The following CEP112 variants were observed in gnomAD, a reference collection of about 807,000 sequenced individuals.
CEP112 encodes the protein centrosomal protein of 112 kDa.
Under a neutral mutation model 153.0 loss-of-function variants are expected in CEP112, and 127 were observed. That is an observed-to-expected ratio of 0.83 (90% CI 0.72 to 0.96). The LOEUF (loss-of-function observed/expected upper bound fraction) is 0.96. Ranked by LOEUF, CEP112 falls within the 40% of genes least tolerant of loss-of-function variation. The pLI is 0.00. For missense variants in CEP112, 1,089 were observed against 1,101.2 expected (o/e 0.99, Z 0.16); for synonymous variants, 358 against 374.4 (o/e 0.96, Z 0.51).
intron 24 of CEP112, among the ~76,000 whole-genome samples, chr17:65,677,508 G>A (rs2047291870): frequency 6.6e-6 from 1 of 152,160 alleles, no homozygotes; most frequent in African/African-American, 2.4e-5. Context: ...TATCTACATG[G>A]AACATACATT....
intron 21 of CEP112, among the ~76,000 whole-genome samples, chr17:65,783,857 C>T (rs939468516): frequency 6.6e-6 from 1 of 152,214 alleles, no homozygotes; most frequent in African/African-American, 2.4e-5. Context: ...CTTTGATCGA[C>T]TATTTCAACT....
chr17:66,111,335 A>C (rs923470901), intron 6 of CEP112, among the ~76,000 whole-genome samples: 3 of 152,190 alleles, frequency 2.0e-5, no homozygotes, highest in African/African-American at 7.2e-5. Context: ...TTACCATTTG[A>C]CCCAGCAACC....
At chr17:65,662,706 A>C (rs1452670048) in intron 24 of CEP112, among the ~76,000 whole-genome samples, 1 of 152,212 alleles carries the variant, frequency 6.6e-6, no homozygotes, top group Non-Finnish European at 1.5e-5. Context: ...AAATGGCAGA[A>C]AAAATTCACG....
At chr17:66,184,653 C>T (rs1049919335) in intron 1 of CEP112, among the ~76,000 whole-genome samples, 2 of 152,122 alleles carry the variant, frequency 1.3e-5, no homozygotes, top group Admixed American at 1.3e-4. Flanking sequence ...GGTAGAAATA[C>T]AAAATAGTAC....
At chr17:65,788,930 G>A (rs760955953) in intron 21 of CEP112, among the ~76,000 whole-genome samples, 7 of 152,012 alleles carry the variant, frequency 4.6e-5, no homozygotes, top group South Asian at 2.1e-4. Context: ...ATTGCTTATC[G>A]ATCTATAGCT....
intron 2 of CEP112, 70 bp from the exon 3 acceptor site, chr17:66,177,090 T>C: frequency 1.7e-6 from 2 of 1,207,072 alleles, no homozygotes; most frequent in Non-Finnish European, 2.3e-6. Context: ...CAAAGACCTA[T>C]AATAGCACCT....
At chr17:65,723,123 C>G (rs543295874) in intron 23 of CEP112, among the ~76,000 whole-genome samples, 3 of 152,152 alleles carry the variant, frequency 2.0e-5, no homozygotes, top group Non-Finnish European at 4.4e-5. Flanking sequence ...ATGTTAATGA[C>G]ACACTTGTTT....
At chr17:66,141,487 A>C (rs1445580556) in intron 4 of CEP112, among the ~76,000 whole-genome samples, 1 of 152,180 alleles carries the variant, frequency 6.6e-6, no homozygotes, top group Non-Finnish European at 1.5e-5. Context: ...CTATAATCAC[A>C]GTGTTGTGCA....
At chr17:66,071,899 T>A (rs898165811) in intron 8 of CEP112, among the ~76,000 whole-genome samples, 2 of 152,124 alleles carry the variant, frequency 1.3e-5, no homozygotes, top group African/African-American at 4.8e-5. Flanking sequence ...CTCAAAAGGA[T>A]TTTTGTGTAT....
chr17:65,689,261 C>CTAATTAGAAAATTAGCACAATAA (rs754183386), intron 23 of CEP112, 43 bp from the exon 24 acceptor site: 5 of 1,421,400 alleles, frequency 3.5e-6, no homozygotes, highest in Non-Finnish European at 5.0e-6. Context: ...AATTAGCACA[C>CTAATTAGAAAATTAGCACAATAA]TTGGAAAAAT....
chr17:66,077,235 G>T (rs577499508), intron 8 of CEP112, among the ~76,000 whole-genome samples: 1 of 152,060 alleles, frequency 6.6e-6, no homozygotes, highest in African/African-American at 2.4e-5. Flanking sequence ...AATTCAGGAG[G>T]TTACTTATTA....
At chr17:65,814,656 G>A (rs1310497622) in intron 21 of CEP112, among the ~76,000 whole-genome samples, 1 of 152,082 alleles carries the variant, frequency 6.6e-6, no homozygotes, top group Admixed American at 6.6e-5. Flanking sequence ...CACAGGATGT[G>A]TCCCCTGTCA....
At chr17:66,032,749 A>C (rs1393345821) in intron 12 of CEP112, among the ~76,000 whole-genome samples, 1 of 152,220 alleles carries the variant, frequency 6.6e-6, no homozygotes. Flanking sequence ...AAAAATAGAA[A>C]TAGACATGCA....
At chr17:65,944,611 G>T (rs572602231) in intron 18 of CEP112, among the ~76,000 whole-genome samples, 52 of 152,004 alleles carry the variant, frequency 3.4e-4, no homozygotes, top group Non-Finnish European at 5.7e-4. Context: ...TGGAGAAAGG[G>T]TCTTGCTCTG....
intron 23 of CEP112, among the ~76,000 whole-genome samples, chr17:65,699,675 A>G (rs933817249): frequency 6.6e-6 from 1 of 152,072 alleles, no homozygotes; most frequent in African/African-American, 2.4e-5. Flanking sequence ...GCCGGAGTGC[A>G]GTGACTCACA....
intron 23 of CEP112, among the ~76,000 whole-genome samples, chr17:65,723,874 T>C (rs1332308265): frequency 6.6e-6 from 1 of 152,258 alleles, no homozygotes; most frequent in Non-Finnish European, 1.5e-5. Flanking sequence ...GATTTAAAGT[T>C]AAACAAGGGT....
chr17:65,741,523 A>G (rs1355643041), intron 23 of CEP112, among the ~76,000 whole-genome samples: 1 of 150,824 alleles, frequency 6.6e-6, no homozygotes, highest in African/African-American at 2.4e-5. Flanking sequence ...TAATTTAAAA[A>G]TTAAGTAATT....
intron 17 of CEP112, among the ~76,000 whole-genome samples, chr17:65,978,006 T>C (rs2145094998): frequency 6.6e-6 from 1 of 152,188 alleles, no homozygotes; most frequent in South Asian, 2.1e-4. Context: ...ACACGGGAGG[T>C]GGAGTTTGTG....
In CEP112 at chr17:65,702,615, C is replaced by T. The variant is rs1192984314; in HGVS notation, c.2608-13397G>A. ...TTATTGTTGGTAGTCTCTTATAGTG[C>T]CTAATTTATATATTAAACTTCATAA... On this transcript the variant is annotated intron_variant, in intron 23 of 26. Transcript: ENST00000535342. Among the ~76,000 whole-genome samples the T allele has an allele frequency of 5.3e-5, 8 of 152,178 alleles. No individual in the cohort carries two copies. In the South Asian group the frequency reaches 1.7e-3, roughly 32 times the overall value.
Sources: allele counts gnomAD v4.1 joint callset (sites outside exome capture counted in the v4.1 genomes callset), GRCh38; gene constraint gnomAD v4.1.1; transcripts MANE v1.5; gene names NCBI Gene and HGNC (gene_info 2026-07-23, HGNC 2026-07-21).